CORIN: variants seen among roughly 807,000 people sequenced by gnomAD.
CORIN encodes atrial natriuretic peptide-converting enzyme.
In CORIN, 117 loss-of-function variants were observed where a neutral mutation model predicts 125.3. The observed-to-expected ratio is 0.93, with a 90% CI of 0.80 to 1.09. The LOEUF (loss-of-function observed/expected upper bound fraction) is 1.09. CORIN is among the 50% of genes least tolerant of loss of function. The pLI, the probability that CORIN is intolerant of heterozygous loss-of-function variation, is 0.00. For synonymous variants in CORIN, 450 were observed against 466.4 expected (o/e 0.96, Z 0.45); for missense variants, 1,253 against 1,306.7 (o/e 0.96, Z 0.63).
chr4:47,696,611 T>C (rs1024850470), intron 5 of CORIN, among the ~76,000 whole-genome samples: 2 of 152,194 alleles, frequency 1.3e-5, no homozygotes, highest in African/African-American at 4.8e-5. Flanking sequence ...TAGCAGTATA[T>C]GAAGTTATAC....
chr4:47,829,490 C>T (rs1732882997), intron 1 of CORIN, among the ~76,000 whole-genome samples: 1 of 152,144 alleles, frequency 6.6e-6, no homozygotes, highest in African/African-American at 2.4e-5. Flanking sequence ...TTCTGTGAGC[C>T]ATCAGGGCAA....
At chr4:47,596,372 T>C (rs182416429) in intron 21 of CORIN, among the ~76,000 whole-genome samples, 1 of 152,334 alleles carries the variant, frequency 6.6e-6, no homozygotes, top group East Asian at 1.9e-4. Flanking sequence ...TGTGAATGAA[T>C]ACATTAAGCA....
intron 19 of CORIN, among the ~76,000 whole-genome samples, chr4:47,622,217 T>C (rs1399609197): frequency 4.6e-5 from 7 of 152,116 alleles, no homozygotes; most frequent in Admixed American, 2.6e-4. Context: ...CTATGGTGTG[T>C]ATGTGCTACA....
chr4:47,743,880 G>A (rs960999649), intron 5 of CORIN, among the ~76,000 whole-genome samples: 9 of 149,518 alleles, frequency 6.0e-5, no homozygotes, highest in African/African-American at 2.2e-4. Context: ...GCAAGTCTCT[G>A]TCTCCAGAAA....
At chr4:47,645,279 T>C (rs1723416189) in intron 13 of CORIN, 85 bp from the exon 14 acceptor site, 1 of 863,754 alleles carries the variant, frequency 1.2e-6, no homozygotes, top group Admixed American at 2.0e-5. Flanking sequence ...AATTACGCTA[T>C]AAAGGCATGA....
chr4:47,761,669 G>A (rs560122495), intron 4 of CORIN, among the ~76,000 whole-genome samples: 1 of 152,218 alleles, frequency 6.6e-6, no homozygotes, highest in East Asian at 1.9e-4. Flanking sequence ...TTTAAAATTT[G>A]ATCTCATTGA....
At chr4:47,791,615 G>T (rs775852443) in intron 2 of CORIN, among the ~76,000 whole-genome samples, 1 of 152,158 alleles carries the variant, frequency 6.6e-6, no homozygotes, top group Non-Finnish European at 1.5e-5. Context: ...AAGTTTATGA[G>T]AGTGAATTAG....
chr4:47,731,139 T>C (rs115298099), intron 5 of CORIN, among the ~76,000 whole-genome samples: 1 of 152,284 alleles, frequency 6.6e-6, no homozygotes, highest in African/African-American at 2.4e-5. Flanking sequence ...CTAGAACAAC[T>C]GAAAGAACTA....
intron 5 of CORIN, among the ~76,000 whole-genome samples, chr4:47,736,765 T>G (rs928038799): frequency 2.0e-5 from 3 of 152,236 alleles, no homozygotes; most frequent in African/African-American, 4.8e-5. Flanking sequence ...TTCATGGAAC[T>G]TGCCAGTTCT....
At chr4:47,820,683 A>C (rs547999714) in intron 1 of CORIN, among the ~76,000 whole-genome samples, 3 of 152,270 alleles carry the variant, frequency 2.0e-5, no homozygotes, top group Non-Finnish European at 4.4e-5. Flanking sequence ...CCTGCCCGAA[A>C]AATGAGCTCA....
Position 47,693,049 on chromosome 4 carries a change from G to A in CORIN, c.834C>T (p.Ala278=). 4 of 1,613,382 alleles carry A rather than the reference G, an allele frequency of 2.5e-6. No homozygotes were observed. Among genetic ancestry groups the A allele is most frequent in the Non-Finnish European group, 2.5e-6 (3 of 1,179,718 alleles). Residue 278 remains alanine (A), a synonymous_variant, in exon 6 of 22, where the codon GCC becomes GCT. Coordinates refer to ENST00000273857, the MANE Select transcript of CORIN (RefSeq NM_006587.4). ...GTTTCCCGGGGATGCAGATTCCACT[G>A]GCACACAGAAAGTTCTCACCCCTTC... is the stretch of plus-strand genomic sequence containing the variant. ...LCGRGENFLC[A]SGICIPGKLQ...
chr4:47,779,355 G>A (rs1352250186), intron 3 of CORIN, among the ~76,000 whole-genome samples: 1 of 151,648 alleles, frequency 6.6e-6, no homozygotes, highest in Non-Finnish European at 1.5e-5. Context: ...TCTCCTCTAA[G>A]ATAGTTGCCT....
chr4:47,725,856 C>T (rs909217150), intron 5 of CORIN, among the ~76,000 whole-genome samples: 2 of 151,932 alleles, frequency 1.3e-5, no homozygotes, highest in Middle Eastern at 3.2e-3. Flanking sequence ...GAACAAAAGA[C>T]TTGTACCCAG....
chr4:47,607,958 A>G (rs1397032559), intron 19 of CORIN, among the ~76,000 whole-genome samples: 1 of 84,080 alleles, frequency 1.2e-5, no homozygotes, highest in African/African-American at 6.4e-5. Flanking sequence ...AAAAAAAGAA[A>G]AAAAAAAAAA....
rs1725011337 is a variant in CORIN, at chr4:47,676,235, T to C, written c.1249+1703A>G. Among the ~76,000 whole-genome samples, 2 of 152,188 alleles carry C rather than the reference T, an allele frequency of 1.3e-5. 1 individual carries two copies. Among genetic ancestry groups the C allele is most frequent in the African/African-American group, 4.8e-5 (2 of 41,446 alleles). On this transcript the variant is annotated intron_variant, in intron 9 of 21. Transcript: ENST00000273857. ...ATGTAGTATTTAGTACCAGGCCCCC[T>C]TTCGTTCTCAGCTCTCTAATCACAA...
intron 1 of CORIN, among the ~76,000 whole-genome samples, chr4:47,833,708 A>G (rs1733199532): frequency 6.6e-6 from 1 of 152,182 alleles, no homozygotes. Context: ...TCAATTCAGT[A>G]GCCAAAAAGC....
chr4:47,732,195 T>C lies in CORIN; in HGVS notation c.799+12207A>G, dbSNP rs1345056457. 2.0e-5 allele frequency among the ~76,000 whole-genome samples: 3 copies of C among 152,126 alleles called. No homozygotes were observed. The South Asian group carries it at 6.2e-4, about 32-fold the overall frequency. On this transcript the variant is annotated intron_variant, in intron 5 of 21. Transcript: ENST00000273857. ...GGAATATCAACATTTAAGGGGCCAG[T>C]AGACAAAGGAAGGAGACTAGAGGGT...
chr4:47,632,891 T>C (rs1722896333), intron 16 of CORIN, among the ~76,000 whole-genome samples: 1 of 152,138 alleles, frequency 6.6e-6, no homozygotes, highest in East Asian at 1.9e-4. Context: ...GCAATTCTTC[T>C]GCCTCAGCCT....
intron 16 of CORIN, among the ~76,000 whole-genome samples, chr4:47,629,004 T>G (rs995382833): frequency 1.3e-4 from 20 of 152,190 alleles, no homozygotes; most frequent in African/African-American, 4.8e-4. Flanking sequence ...GCAATTAACA[T>G]GAGAGTGCAG....
Sources: allele counts gnomAD v4.1 joint callset (sites outside exome capture counted in the v4.1 genomes callset), GRCh38; gene constraint gnomAD v4.1.1; transcripts MANE v1.5; gene names NCBI Gene and HGNC (gene_info 2026-07-23, HGNC 2026-07-21).